Variants in TMEM184A observed in about 807,000 individuals in gnomAD.
TMEM184A encodes transmembrane protein 184A, also known as sexually dimorphic, expressed in male gonads 1.
In TMEM184A, 40 loss-of-function variants were observed where a neutral mutation model predicts 39.5. The observed-to-expected ratio is 1.01, with a 90% CI of 0.79 to 1.32. The LOEUF (loss-of-function observed/expected upper bound fraction) is 1.32, where lower values mean the gene tolerates loss of function less well. Among genes scored for constraint, TMEM184A ranks in the 40% most tolerant of loss-of-function variants. The pLI is 0.00. For synonymous variants in TMEM184A, 280 were observed against 252.3 expected, an observed-to-expected ratio of 1.11 and a Z score of -1.04; for missense variants, 603 against 568.8, an observed-to-expected ratio of 1.06 and a Z score of -0.61.
chr7:1,550,934 T>G lies in TMEM184A; in HGVS notation c.268A>C (p.Ile90Leu). The change falls in exon 3 of 9, where the codon ATC (isoleucine) becomes CTC (leucine). Residue 90 changes from isoleucine (I) to leucine (L), a missense_variant. Ile to Leu is a conservative substitution (Grantham distance 5). Transcript: ENST00000297477. ...GGCACGATGAGGAGCAGGCGGATGATGTAACGTTGCTCCTGTGGCACGGTG... is the reference window on the plus strand; with the variant it reads ...GGCACGATGAGGAGCAGGCGGATGAGGTAACGTTGCTCCTGTGGCACGGTG... Reference protein sequence around the residue: ...SYTVPQEQRYIIRLLLIVPIY... With the variant: ...SYTVPQEQRYLIRLLLIVPIY... 1 of 1,613,586 alleles carries G rather than the reference T, an allele frequency of 6.2e-7. No individual in the cohort carries two copies. The highest frequency in any genetic ancestry group is 1.1e-5 in the South Asian group (1 of 91,076).
intron 2 of TMEM184A, among the ~76,000 whole-genome samples, chr7:1,554,201 G>C (rs1778457729): frequency 6.6e-6 from 1 of 152,100 alleles, no homozygotes; most frequent in African/African-American, 2.4e-5. Context: ...CAAGTAGCTG[G>C]GACTAACAGT....
intron 2 of TMEM184A, among the ~76,000 whole-genome samples, chr7:1,554,684 A>C (rs1050100880): frequency 2.0e-5 from 3 of 151,956 alleles, no homozygotes; most frequent in South Asian, 4.1e-4. Context: ...CCGCTTCTCT[A>C]CCTGGGGGCT....
At position 1,554,558 on chromosome 7, in the gene TMEM184A, T is replaced by C. The variant is rs1279458324; in HGVS notation, c.219+708A>G. On this transcript the variant is annotated intron_variant, in intron 2 of 8. Transcript: ENST00000297477. ...CACACCGCCCTGGCCTCTCTGTGTA[T>C]CTGAGTCTCTCAGGAGGGTCCTGTC... Among the ~76,000 whole-genome samples, 6 of 152,246 alleles carry C rather than the reference T, an allele frequency of 3.9e-5. No homozygotes were observed. In the East Asian group the frequency reaches 1.2e-3, roughly 29 times the overall value.
intron 6 of TMEM184A, chr7:1,549,613 G>C (rs777958981): frequency 1.6e-6 from 1 of 630,138 alleles, no homozygotes; most frequent in East Asian, 3.4e-5. Flanking sequence ...TCCTTGTGGA[G>C]AAGAAGTGGG....
chr7:1,549,738 T>C, intron 6 of TMEM184A, 116 bp downstream of exon 6: 1 of 946,776 alleles, frequency 1.1e-6, no homozygotes, highest in African/African-American at 1.6e-5. Flanking sequence ...CCCCCGCAGC[T>C]CCCACCTTAC....
chr7:1,550,766 C>T, intron 3 of TMEM184A, 51 bp downstream of exon 3: 14 of 1,600,846 alleles, frequency 8.7e-6, no homozygotes, highest in Non-Finnish European at 1.2e-5. Context: ...CACGCAGGCC[C>T]CGGGGAGTCT....
intron 3 of TMEM184A, 21 bp downstream of exon 3, chr7:1,550,796 C>G (rs372891078): frequency 6.2e-7 from 1 of 1,610,894 alleles, no homozygotes; most frequent in Non-Finnish European, 8.5e-7. Flanking sequence ...CTCCCCCGAC[C>G]TGACGCAGCC....
In TMEM184A at chr7:1,546,987, C is replaced by G. The variant is rs763634993; in HGVS notation, c.1207G>C (p.Glu403Gln). The G allele has an allele frequency of 8.8e-6, 14 of 1,594,730 alleles. No homozygotes were observed. In the Admixed American group the frequency reaches 1.9e-4, roughly 21 times the overall value. Residue 403 changes from glutamate (E) to glutamine (Q), a missense_variant, in exon 9 of 9, where the codon GAG (glutamate) becomes CAG (glutamine). Transcript: ENST00000297477. Reference sequence around the variant, plus strand: ...TCCGAGGGGATCAGCATCCGCTTCTCCAGGCTCCGGCTCTTCCTGCTCCCG... The same window carrying G: ...TCCGAGGGGATCAGCATCCGCTTCTGCAGGCTCCGGCTCTTCCTGCTCCCG... Reference protein sequence around the residue: ...SGGSRKSRSLEKRMLIPSEDL With the variant: ...SGGSRKSRSLQKRMLIPSEDL
rs766700862 is a variant in TMEM184A at position 1,555,351 on chromosome 7, G to C, written c.134C>G (p.Ala45Gly). The C allele has an allele frequency of 5.6e-6, 9 of 1,610,526 alleles. 1 individual carries two copies. The highest frequency in any genetic ancestry group is 4.4e-5 in the South Asian group (4 of 90,966). ...MDHMGNSSQG[A>G]PWLFLTSALA... ...TGCGGAGGTGAGGAAGAGCCAGGGG[G>C]CCCCCTGGGAGCTGTTCCCCATGTG... Residue 45 changes from alanine to glycine, a missense_variant, in exon 2 of 9, where the codon GCC becomes GGC. Ala to Gly is a moderately conservative substitution (Grantham distance 60, BLOSUM62 0). Coordinates refer to ENST00000297477, the MANE Select transcript of TMEM184A (RefSeq NM_001097620.2). The surrounding 1 kb of genome is among the most constrained non-coding windows in gnomAD (Gnocchi z 5.2).
chr7:1,548,295 G>A (rs958336511), intron 7 of TMEM184A, among the ~76,000 whole-genome samples: 46 of 152,172 alleles, frequency 3.0e-4, no homozygotes, highest in Admixed American at 6.5e-5. Flanking sequence ...GCCTCTGTGC[G>A]ACCTCTCTCC....
Position 1,544,739 on chromosome 7 carries a change from G to C in TMEM184A, c.*2213C>G, listed in dbSNP as rs1344425354. 6.6e-6 allele frequency: 1 copy of C among 152,296 alleles called. No homozygotes were observed. The highest frequency in any genetic ancestry group is 6.5e-5 in the Admixed American group (1 of 15,288). The allele number at this position is 152,296 out of a possible 1,614,324, so 9.4% of individuals were successfully genotyped here. A position where few individuals can be genotyped will look rare whatever the true frequency, so the allele number is the denominator to read the frequency against. On this transcript the variant is annotated 3_prime_UTR_variant, in exon 9 of 9. Transcript: ENST00000297477. ...AGGGTCAGGAGGCAGGGAGGAGAGA[G>C]GGCCTCTGTGGAGCCGGCTGCCTGG...
At position 1,545,674 on chromosome 7, in the gene TMEM184A, C is replaced by T. The variant is rs1169663520; in HGVS notation, c.*1278G>A. 3.9e-5 allele frequency: 6 copies of T among 152,608 alleles called. No homozygotes were observed. The highest frequency in any genetic ancestry group is 3.9e-4 in the Admixed American group (6 of 15,310). 9.5% of individuals were successfully genotyped at this position (152,608 alleles called of 1,614,324 possible). A position where few individuals can be genotyped will look rare whatever the true frequency, so the allele number is the denominator to read the frequency against. ...GTCACCGTACTGTCCCCTGACGGGC[C>T]CTGGGCCTGGGGGGCGCCCTGCAGT... On this transcript the variant is annotated 3_prime_UTR_variant, in exon 9 of 9. Transcript: ENST00000297477.
At chr7:1,549,765 G>A (rs555284225) in intron 6 of TMEM184A, 89 bp downstream of exon 6, 6 of 1,240,312 alleles carry the variant, frequency 4.8e-6, no homozygotes, top group East Asian at 5.0e-5. Context: ...CCAGCTGGAC[G>A]CCAAGTCCGC....
Position 1,543,109 on chromosome 7 carries a change from C to CG in TMEM184A, c.*3842_*3843insC, listed in dbSNP as rs988671834. 1 of 152,302 alleles carries CG rather than the reference C, an allele frequency of 6.6e-6. No individual in the cohort carries two copies. The highest frequency in any genetic ancestry group is 1.5e-5 in the Non-Finnish European group (1 of 68,016). 9.4% of individuals were successfully genotyped at this position (152,302 alleles called of 1,614,324 possible). On this transcript the variant is annotated 3_prime_UTR_variant, in exon 9 of 9. Coordinates refer to ENST00000297477, the MANE Select transcript of TMEM184A (RefSeq NM_001097620.2). ...TTGGGCCAAGAACCACACCCCCCCC[C>CG]CAATCCCAGGGGACCCTGCCTGTCC... is the stretch of plus-strand genomic sequence containing the variant.
chr7:1,550,000 A>G (rs1784522824), intron 5 of TMEM184A, 55 bp from the exon 6 acceptor site: 1 of 1,551,712 alleles, frequency 6.4e-7, no homozygotes, highest in Non-Finnish European at 8.8e-7. Context: ...GGGCCCAGGA[A>G]TGGGGATTGG....
chr7:1,547,933 A>T lies in TMEM184A; in HGVS notation c.821T>A (p.Leu274Gln). ...CCCGCACCGCTCCAGGATGGCCAGC[A>T]GCAGCCCTGCGGACGCCACGGCCGC... The part of the protein sequence containing the change: ...VIFLSFWQGL[L>Q]LAILERCGVI... The change falls in exon 8 of 9, where the codon CTG becomes CAG. Residue 274 changes from leucine to glutamine, a missense_variant. By Grantham distance (113) the Leu-to-Gln change is moderately radical. Transcript: ENST00000297477. 1 of 1,570,600 alleles carries T rather than the reference A, an allele frequency of 6.4e-7. No homozygotes were observed. The highest frequency in any genetic ancestry group is 8.6e-7 in the Non-Finnish European group (1 of 1,159,216).
rs1784268155 is a variant in TMEM184A, at chr7:1,544,104, G to A, written c.*2848C>T. ...CCGAGCTTGTCACTAGCAATGGCAGGGATGGCACTTTCCCCAGCTAAGTCA... is the reference window on the plus strand; with the variant it reads ...CCGAGCTTGTCACTAGCAATGGCAGAGATGGCACTTTCCCCAGCTAAGTCA... On this transcript the variant is annotated 3_prime_UTR_variant, in exon 9 of 9. Transcript: ENST00000297477. The A allele has an allele frequency of 6.6e-6, 1 of 152,314 alleles. No homozygotes were observed. The highest frequency in any genetic ancestry group is 2.4e-5 in the African/African-American group (1 of 41,458). The allele number at this position is 152,314 out of a possible 1,614,324, so 9.4% of individuals were successfully genotyped here.
intron 2 of TMEM184A, among the ~76,000 whole-genome samples, 181 bp from the exon 3 acceptor site, chr7:1,551,163 TCG>T (rs1784578162): frequency 2.1e-5 from 1 of 46,672 alleles, no homozygotes. Flanking sequence ...GCAGGAGGGT[TCG>T]CGTGAGAGCC....
chr7:1,550,501 A>G (rs1784546470), intron 3 of TMEM184A, 106 bp from the exon 4 acceptor site: 4 of 939,728 alleles, frequency 4.3e-6, no homozygotes, highest in Non-Finnish European at 6.4e-6. Context: ...GGCTGAGCCC[A>G]GCAGGCCACA....
Sources: allele counts gnomAD v4.1 joint callset (sites outside exome capture counted in the v4.1 genomes callset), GRCh38; gene constraint gnomAD v4.1.1; non-coding constraint Gnocchi (gnomAD v3.1); transcripts MANE v1.5; gene names NCBI Gene and HGNC (gene_info 2026-07-23, HGNC 2026-07-21).